CNTN5: variants seen among roughly 807,000 people sequenced by gnomAD.
CNTN5 encodes contactin-5.
In CNTN5, 77 loss-of-function variants were observed where a neutral mutation model predicts 129.1. The observed-to-expected ratio is 0.60, with a 90% CI of 0.50 to 0.72. The LOEUF (loss-of-function observed/expected upper bound fraction) is 0.72. Among genes scored for constraint, CNTN5 ranks in the 30% least tolerant of loss-of-function variants. The pLI, the probability that CNTN5 is intolerant of heterozygous loss-of-function variation, is 0.00. For synonymous variants in CNTN5, 509 were observed against 465.6 expected (o/e 1.09, Z -1.20); for missense variants, 1,478 against 1,328.8 (o/e 1.11, Z -1.75).
chr11:99,975,533 A>G (rs1388230689), intron 8 of CNTN5, among the ~76,000 whole-genome samples: 1 of 152,224 alleles, frequency 6.6e-6, no homozygotes, highest in Non-Finnish European at 1.5e-5. Context: ...TAAAGAAAAG[A>G]GGTTTAATTG....
In CNTN5 at chr11:99,715,880, T is replaced by A. The variant is rs529028763; in HGVS notation, c.56-103664T>A. 6.6e-5 allele frequency among the ~76,000 whole-genome samples: 10 copies of A among 152,100 alleles called. No homozygotes were observed. The South Asian group carries it at 1.0e-3, about 16-fold the overall frequency. ...TGTATTAAGCAAAGGTTTATCTAAATGACAGAACCATTGATTTCCATATAT... is the reference window on the plus strand; with the variant it reads ...TGTATTAAGCAAAGGTTTATCTAAAAGACAGAACCATTGATTTCCATATAT... On this transcript the variant is annotated intron_variant, in intron 3 of 24. Coordinates refer to ENST00000524871, the MANE Select transcript of CNTN5 (RefSeq NM_014361.4).
At chr11:100,090,951 T>A (rs1348069125) in intron 13 of CNTN5, among the ~76,000 whole-genome samples, 1 of 151,972 alleles carries the variant, frequency 6.6e-6, no homozygotes, top group African/African-American at 2.4e-5. Flanking sequence ...GCAATCAGAG[T>A]TTTAATTTTA....
intron 1 of CNTN5, among the ~76,000 whole-genome samples, chr11:99,122,542 T>C (rs541697434): frequency 1.3e-5 from 2 of 151,124 alleles, no homozygotes; most frequent in Admixed American, 1.3e-4. Context: ...GCAGCAACAT[T>C]ATTATTTTTT....
At chr11:99,847,295 A>G (rs1280418308) in intron 6 of CNTN5, among the ~76,000 whole-genome samples, 1 of 152,238 alleles carries the variant, frequency 6.6e-6, no homozygotes, top group South Asian at 2.1e-4. Context: ...CATAGTTGTC[A>G]AATACACTCA....
At chr11:99,305,735 C>T (rs1316874015) in intron 1 of CNTN5, among the ~76,000 whole-genome samples, 1 of 152,052 alleles carries the variant, frequency 6.6e-6, no homozygotes, top group Non-Finnish European at 1.5e-5. Flanking sequence ...AATCCCAACA[C>T]TTTGGGAGGC....
At chr11:99,824,032 C>A (rs1946879190) in intron 4 of CNTN5, among the ~76,000 whole-genome samples, 1 of 152,054 alleles carries the variant, frequency 6.6e-6, no homozygotes, top group South Asian at 2.1e-4. Flanking sequence ...GCATACCACA[C>A]TAGGACTCAA....
At chr11:99,099,793 T>C (rs1348102519) in intron 1 of CNTN5, among the ~76,000 whole-genome samples, 2 of 152,180 alleles carry the variant, frequency 1.3e-5, no homozygotes, top group Non-Finnish European at 2.9e-5. Flanking sequence ...TACGTATAAA[T>C]CACTTCGAAA....
At chr11:99,687,678 T>C (rs1033868439) in intron 3 of CNTN5, among the ~76,000 whole-genome samples, 1 of 152,198 alleles carries the variant, frequency 6.6e-6, no homozygotes, top group Non-Finnish European at 1.5e-5. Flanking sequence ...GGCTCAGTGA[T>C]AATTGATACC....
rs578116383 is a variant in CNTN5 at position 99,677,877 on chromosome 11, T to G, written c.55+121608T>G. On this transcript the variant is annotated intron_variant, in intron 3 of 24. Coordinates refer to ENST00000524871, the MANE Select transcript of CNTN5 (RefSeq NM_014361.4). ...GACCTCGCAATTACCAAAAGCTTAC[T>G]GTTTTCTAAACATACCAAACACCTT... Among the ~76,000 whole-genome samples, 435 of 152,224 alleles carry G rather than the reference T, an allele frequency of 2.9e-3. 2 individuals carry two copies. The highest frequency in any genetic ancestry group is 4.5e-3 in the Non-Finnish European group (309 of 67,972).
At position 99,406,655 on chromosome 11, in the gene CNTN5, G is replaced by T. The variant is rs74461702; in HGVS notation, c.-71+81171G>T. On this transcript the variant is annotated intron_variant, in intron 2 of 24. Coordinates refer to ENST00000524871, the MANE Select transcript of CNTN5 (RefSeq NM_014361.4). ...CCCTTTAAAAGGTGAGTTCTCCCAG[G>T]ACTTGGACAGGTCCAGAGGTGCTAT... Among the ~76,000 whole-genome samples, 11 of 152,270 alleles carry T rather than the reference G, an allele frequency of 7.2e-5. No homozygotes were observed. In the East Asian group the frequency reaches 1.7e-3, roughly 24 times the overall value.
intron 15 of CNTN5, among the ~76,000 whole-genome samples, chr11:100,208,249 A>T (rs918744274): frequency 1.3e-5 from 2 of 152,186 alleles, no homozygotes; most frequent in East Asian, 3.9e-4. Flanking sequence ...CCATTTATTT[A>T]GTTCATGATT....
chr11:99,544,024 C>T (rs919546698), intron 2 of CNTN5, among the ~76,000 whole-genome samples: 2 of 150,844 alleles, frequency 1.3e-5, no homozygotes, highest in Admixed American at 1.3e-4. Flanking sequence ...TCTTGTGTTG[C>T]TGTTAAGAAT....
chr11:99,211,962 T>C (rs1235633425), intron 1 of CNTN5, among the ~76,000 whole-genome samples: 1 of 152,232 alleles, frequency 6.6e-6, no homozygotes, highest in Non-Finnish European at 1.5e-5. Flanking sequence ...ATACATACTT[T>C]TTAAATGTGT....
intron 21 of CNTN5, among the ~76,000 whole-genome samples, chr11:100,330,370 G>A (rs1183314815): frequency 2.0e-5 from 3 of 152,110 alleles, no homozygotes; most frequent in African/African-American, 7.2e-5. Flanking sequence ...TGTTCCTGAA[G>A]AAGAAGAGAA....
At chr11:100,155,967 C>T (rs1193262008) in intron 13 of CNTN5, among the ~76,000 whole-genome samples, 1 of 152,008 alleles carries the variant, frequency 6.6e-6, no homozygotes, top group Admixed American at 6.6e-5. Flanking sequence ...CAATTTGACT[C>T]ATGTCTTCCT....
At chr11:99,475,664 T>C (rs978291241) in intron 2 of CNTN5, among the ~76,000 whole-genome samples, 10 of 152,130 alleles carry the variant, frequency 6.6e-5, no homozygotes, top group Admixed American at 1.3e-4. Context: ...TGGAAATACC[T>C]CTAGTATGAC....
At chr11:99,350,792 C>T (rs1002649267) in intron 2 of CNTN5, among the ~76,000 whole-genome samples, 2 of 151,962 alleles carry the variant, frequency 1.3e-5, no homozygotes, top group African/African-American at 2.4e-5. Flanking sequence ...AGAATAGTGG[C>T]AATCTCTGAG....
intron 2 of CNTN5, among the ~76,000 whole-genome samples, chr11:99,403,005 CTTCTTT>C (rs1941891585): frequency 2.1e-5 from 1 of 48,158 alleles, no homozygotes; most frequent in Admixed American, 4.0e-4. Flanking sequence ...TTTTGTTAAA[CTTCTTT>C]TTTTTTTTTT....
chr11:99,208,440 A>T (rs994632952), intron 1 of CNTN5, among the ~76,000 whole-genome samples: 1 of 152,142 alleles, frequency 6.6e-6, no homozygotes, highest in South Asian at 2.1e-4. Flanking sequence ...CCCTAAGGAT[A>T]TGTCCTTTGC....
Sources: allele counts gnomAD v4.1 joint callset (sites outside exome capture counted in the v4.1 genomes callset), GRCh38; gene constraint gnomAD v4.1.1; transcripts MANE v1.5; gene names NCBI Gene and HGNC (gene_info 2026-07-23, HGNC 2026-07-21).